Variants in TRPM4 observed in about 807,000 individuals in gnomAD.
TRPM4 encodes the protein transient receptor potential cation channel subfamily M member 4.
TRPM4 carries 124 observed loss-of-function variants against 135.6 expected under a neutral mutation model. The observed-to-expected ratio is 0.91, with a 90% CI of 0.79 to 1.06. The LOEUF (loss-of-function observed/expected upper bound fraction) is 1.06, where lower values mean the gene tolerates loss of function less well. Ranked by LOEUF, TRPM4 falls within the 50% of genes least tolerant of loss-of-function variation. The pLI is 0.00. For synonymous variants in TRPM4, 745 were observed against 705.6 expected, an observed-to-expected ratio of 1.06 and a Z score of -0.88; for missense variants, 1,658 against 1,671.4, an observed-to-expected ratio of 0.99 and a Z score of 0.14.
intron 6 of TRPM4, among the ~76,000 whole-genome samples, chr19:49,170,409 G>C (rs1197278925): frequency 6.6e-6 from 1 of 151,784 alleles, no homozygotes; most frequent in Non-Finnish European, 1.5e-5. Flanking sequence ...GGCTGGTCTT[G>C]AACTCTTGAC....
intron 20 of TRPM4, among the ~76,000 whole-genome samples, chr19:49,208,938 G>T (rs145467488): frequency 6.8e-6 from 1 of 147,352 alleles, no homozygotes; most frequent in Non-Finnish European, 1.5e-5. Context: ...CAGCCTGTGG[G>T]ACAGAGCAAG....
rs1483688466 is a variant in TRPM4 at position 49,181,436 on chromosome 19, T to C, written c.1238T>C (p.Leu413Pro). 6.2e-7 allele frequency: 1 copy of C among 1,613,506 alleles called. No homozygotes were observed. ...CGCGTGGACATTGCCCAGAGTGAAC[T>C]CTTTCGGGGGGACATCCAATGGCGG... ...WNRVDIAQSE[L>P]FRGDIQWRSF... Residue 413 changes from leucine (L) to proline (P), a missense_variant, in exon 10 of 25, where the codon CTC (leucine) becomes CCC (proline). Transcript: ENST00000252826.
intron 16 of TRPM4, among the ~76,000 whole-genome samples, chr19:49,193,122 CCAGGCTGGAGTGCAGTGG>C (rs1968474826): frequency 6.7e-6 from 1 of 149,292 alleles, no homozygotes; most frequent in Admixed American, 6.7e-5. Flanking sequence ...ACTCTGTCGC[CCAGGCTGGAGTGCAGTGG>C]CATGATCTCG....
chr19:49,166,160 C>T lies in TRPM4; in HGVS notation c.212C>T (p.Pro71Leu). Residue 71 changes from proline (P) to leucine (L), a missense_variant, in exon 3 of 25, where the codon CCC becomes CTC. Physicochemically the swap from Pro to Leu is moderately conservative, Grantham distance 98 (BLOSUM62 -3). Around this residue, in one of 3 missense-constraint regions of TRPM4, gnomAD observed 239 missense variants for 240.1 expected, o/e 1.00. Transcript: ENST00000252826. ...WDSDAHTTEK[P>L]TDAYGELDFT... ...AGCGATGCACACACCACGGAGAAGC[C>T]CACCGATGCCTACGGAGAGCTGGAC... is the stretch of plus-strand genomic sequence containing the variant. 1 of 1,609,012 alleles carries T rather than the reference C, an allele frequency of 6.2e-7. No individual in the cohort carries two copies. Among genetic ancestry groups the T allele is most frequent in the Admixed American group, 1.7e-5 (1 of 59,346 alleles).
chr19:49,167,323 G>C (rs1301363069), intron 3 of TRPM4, among the ~76,000 whole-genome samples: 1 of 129,186 alleles, frequency 7.7e-6, no homozygotes, highest in African/African-American at 3.0e-5. Context: ...TTTACTCTGG[G>C]TTTCTGTCCC....
Position 49,211,369 on chromosome 19 carries a change from CTT to C in TRPM4, c.3640+101_3640+102del. On this transcript the variant is annotated intron_variant, in intron 24 of 24. Coordinates refer to ENST00000252826, the MANE Select transcript of TRPM4 (RefSeq NM_017636.4). The surrounding 1 kb of genome is among the most constrained non-coding windows in gnomAD (Gnocchi z 4.8). ...CTTTCCAGTGTCCCTGGGTCACTCT[CTT>C]GGTCTCCTTTGAGCCTTTTGTACTC... 1 of 1,580,870 alleles carries C rather than the reference CTT, an allele frequency of 6.3e-7. No homozygotes were observed. Among genetic ancestry groups the C allele is most frequent in the Admixed American group, 1.7e-5 (1 of 59,962 alleles).
At position 49,200,186 on chromosome 19, in the gene TRPM4, C is replaced by A. The variant is rs1165742093; in HGVS notation, c.2646-114C>A. The A allele has an allele frequency of 3.3e-6, 5 of 1,535,146 alleles. 1 individual carries two copies. Among genetic ancestry groups the A allele is most frequent in the Non-Finnish European group, 4.5e-6 (5 of 1,110,850 alleles). ...TAAACCCCGGGTGACTGGGAGGGTCCTGGTCCTGCCCGGTGGAGGCTGCAG... is the reference window on the plus strand; with the variant it reads ...TAAACCCCGGGTGACTGGGAGGGTCATGGTCCTGCCCGGTGGAGGCTGCAG... On this transcript the variant is annotated intron_variant, in intron 17 of 24. Transcript: ENST00000252826.
At chr19:49,165,858 G>A (rs1967150089) in intron 2 of TRPM4, among the ~76,000 whole-genome samples, 183 bp from the exon 3 acceptor site, 1 of 152,268 alleles carries the variant, frequency 6.6e-6, no homozygotes, top group Non-Finnish European at 1.5e-5. Context: ...AAAGGGGACC[G>A]TCCTCGGCTC....
chr19:49,203,953 C>T (rs1323059947), intron 20 of TRPM4, among the ~76,000 whole-genome samples: 1 of 152,028 alleles, frequency 6.6e-6, no homozygotes, highest in Non-Finnish European at 1.5e-5. Context: ...CGTGGCAGGA[C>T]CCCCTTTTTA....
At position 49,211,622 on chromosome 19, in the gene TRPM4, G is replaced by A; in HGVS notation, c.*124G>A. On this transcript the variant is annotated 3_prime_UTR_variant, in exon 25 of 25. Coordinates refer to ENST00000252826, the MANE Select transcript of TRPM4 (RefSeq NM_017636.4). The surrounding 1 kb of genome is among the most constrained non-coding windows in gnomAD (Gnocchi z 4.8). ...CTTGAGGTGAGCCCCATGTCCATCTGGGCCACTGTCAGGACCACCTTTGGG... is the reference window on the plus strand; with the variant it reads ...CTTGAGGTGAGCCCCATGTCCATCTAGGCCACTGTCAGGACCACCTTTGGG... 7.8e-7 allele frequency: 1 copy of A among 1,286,700 alleles called. No individual in the cohort carries two copies. The highest frequency in any genetic ancestry group is 1.1e-6 in the Non-Finnish European group (1 of 890,112). The allele number at this position is 1,286,700 out of a possible 1,614,324, so 79.7% of individuals were successfully genotyped here. A position where few individuals can be genotyped will look rare whatever the true frequency, so the allele number is the denominator to read the frequency against.
At chr19:49,186,614 G>A (rs983647629) in intron 12 of TRPM4, among the ~76,000 whole-genome samples, 5 of 152,168 alleles carry the variant, frequency 3.3e-5, no homozygotes, top group Non-Finnish European at 7.4e-5. Flanking sequence ...GCTCACACCT[G>A]TAATCCCAGC....
At chr19:49,178,772 T>TATTATTGTTTTG (rs1555754745) in intron 9 of TRPM4, among the ~76,000 whole-genome samples, 3 of 150,102 alleles carry the variant, frequency 2.0e-5, no homozygotes, top group South Asian at 2.1e-4. Context: ...TTTTTTATTT[T>TATTATTGTTTTG]TTTTGAGATG....
chr19:49,202,221 G>T, intron 20 of TRPM4, 80 bp downstream of exon 20: 1 of 1,514,274 alleles, frequency 6.6e-7, no homozygotes, highest in Non-Finnish European at 9.1e-7. Context: ...CCCGTCTAAT[G>T]AATTCTGTTT....
Position 49,211,591 on chromosome 19 carries a change from C to G in TRPM4, c.*93C>G. The G allele has an allele frequency of 6.4e-7, 1 of 1,552,182 alleles. No individual in the cohort carries two copies. The highest frequency in any genetic ancestry group is 2.2e-5 in the East Asian group (1 of 44,574). The stretch of plus-strand genomic sequence containing the variant: ...GGCCTCGGCCCCCGCACCTGGTGGC[C>G]TTGTCCTTGAGGTGAGCCCCATGTC... On this transcript the variant is annotated 3_prime_UTR_variant, in exon 25 of 25. Transcript: ENST00000252826. This position sits in a 1 kb window ranked among gnomAD's most constrained non-coding sequence, Gnocchi z 4.8.
In TRPM4 at chr19:49,189,000, T is replaced by G. The variant is rs752491832; in HGVS notation, c.1928T>G (p.Leu643Arg). Reference protein sequence around the residue: ...SSEVRAARLLLRRCPLWGDAT... With the variant: ...SSEVRAARLLRRRCPLWGDAT... Reference sequence around the variant, plus strand: ...GAGGTGAGGGCTGCCCGCCTCCTCCTCCGTCGCTGCCCGCTCTGGGGGGAT... The same window carrying G: ...GAGGTGAGGGCTGCCCGCCTCCTCCGCCGTCGCTGCCCGCTCTGGGGGGAT... The change falls in exon 14 of 25, where the codon CTC becomes CGC. Residue 643 changes from leucine (L) to arginine (R), a missense_variant. Transcript: ENST00000252826. 5.6e-6 allele frequency: 9 copies of G among 1,614,028 alleles called. No individual in the cohort carries two copies. In the Admixed American group the frequency reaches 1.5e-4, roughly 27 times the overall value.
At chr19:49,163,194 TA>T (rs1967033322) in intron 2 of TRPM4, among the ~76,000 whole-genome samples, 2 of 95,086 alleles carry the variant, frequency 2.1e-5, no homozygotes, top group South Asian at 3.7e-4. Flanking sequence ...ATTTTATTAT[TA>T]TTATTTTTTT....
rs932188336 is a variant in TRPM4 at position 49,210,464 on chromosome 19, G to T, written c.3328+59G>T. On this transcript the variant is annotated intron_variant, in intron 21 of 24. Coordinates refer to ENST00000252826, the MANE Select transcript of TRPM4 (RefSeq NM_017636.4). This position sits in a 1 kb window ranked among gnomAD's most constrained non-coding sequence, Gnocchi z 4.1. ...ATAGGGGACCGGGAGCCTGGAAGGC[G>T]AGGGGAAGGGGGCATGCCCCAAATG... The T allele has an allele frequency of 1.3e-6, 2 of 1,582,780 alleles. No homozygotes were observed. Among genetic ancestry groups the T allele is most frequent in the African/African-American group, 2.7e-5 (2 of 74,448 alleles).
intron 16 of TRPM4, among the ~76,000 whole-genome samples, chr19:49,192,199 G>T (rs1568480535): frequency 6.6e-6 from 1 of 152,082 alleles, no homozygotes; most frequent in Non-Finnish European, 1.5e-5. Flanking sequence ...CAGGAGTGCG[G>T]TGCCGCGATC....
rs867092817 is a variant in TRPM4, at chr19:49,202,085, C to T, written c.3075C>T (p.Val1025=). ...ACTGGCTGGTGGTGCTGCTCCTCGTCATCTTCCTGCTCGTGGCCAACATCC... is the reference window on the plus strand; with the variant it reads ...ACTGGCTGGTGGTGCTGCTCCTCGTTATCTTCCTGCTCGTGGCCAACATCC... The part of the protein sequence containing the change: ...YANWLVVLLL[V]IFLLVANILL... The change falls in exon 20 of 25, where the codon GTC becomes GTT. Residue 1025 remains valine (V), a synonymous_variant. Transcript: ENST00000252826. The T allele has an allele frequency of 3.7e-6, 6 of 1,614,136 alleles. No individual in the cohort carries two copies. Among genetic ancestry groups the T allele is most frequent in the Non-Finnish European group, 4.2e-6 (5 of 1,180,038 alleles).
Sources: allele counts gnomAD v4.1 joint callset (sites outside exome capture counted in the v4.1 genomes callset), GRCh38; gene constraint gnomAD v4.1.1; regional missense constraint gnomAD v4.1.1; non-coding constraint Gnocchi (gnomAD v3.1); transcripts MANE v1.5; gene names NCBI Gene and HGNC (gene_info 2026-07-23, HGNC 2026-07-21).